The following CNOT1 variants were observed in gnomAD, a reference collection of about 807,000 sequenced individuals.
CNOT1 encodes CCR4-NOT transcription complex subunit 1, also known as CCR4-associated factor 1.
CNOT1 carries 15 observed loss-of-function variants against 273.8 expected under a neutral mutation model. The ratio of observed to expected loss-of-function variants is 0.05; its 90% CI spans 0.04 to 0.08. The LOEUF (loss-of-function observed/expected upper bound fraction) is 0.08, where lower values mean the gene tolerates loss of function less well. CNOT1 is among the 10% of genes least tolerant of loss of function. The pLI, the probability that CNOT1 is intolerant of heterozygous loss-of-function variation, is 1.00. For missense variants in CNOT1, 1,644 were observed against 2,912.2 expected (o/e 0.56, Z 10.02); for synonymous variants, 1,022 against 1,005.5 (o/e 1.02, Z -0.31).
chr16:58,568,019 T>C (rs1267586483), intron 16 of CNOT1, among the ~76,000 whole-genome samples: 1 of 152,188 alleles, frequency 6.6e-6, no homozygotes, highest in Non-Finnish European at 1.5e-5. Flanking sequence ...TTAAACTTAT[T>C]GCCTATCTGA....
intron 1 of CNOT1, among the ~76,000 whole-genome samples, chr16:58,605,366 G>T (rs1356446114): frequency 6.6e-6 from 1 of 152,052 alleles, no homozygotes; most frequent in Non-Finnish European, 1.5e-5. Context: ...GGCCGGGTGT[G>T]GTGGTGCACA....
intron 1 of CNOT1, among the ~76,000 whole-genome samples, chr16:58,629,400 C>G (rs1436523694): frequency 6.6e-6 from 1 of 152,174 alleles, no homozygotes; most frequent in Non-Finnish European, 1.5e-5. Flanking sequence ...CCCAGCGACA[C>G]GAACTGCCGC....
Position 58,575,095 on chromosome 16 carries a change from G to A in CNOT1, c.1739C>T (p.Ala580Val). 6.2e-7 allele frequency: 1 copy of A among 1,614,050 alleles called. No homozygotes were observed. Among genetic ancestry groups the A allele is most frequent in the Non-Finnish European group, 8.5e-7 (1 of 1,180,004 alleles). ...AAGTGCAGCAAGGTCAATAACAAAG[G>A]CAAATGGAGTACCATTTAGCAGCAT... The part of the protein sequence containing the change: ...LSMLLNGTPF[A>V]FVIDLAALAS... Residue 580 changes from alanine (A) to valine (V), a missense_variant, in exon 15 of 49, where the codon GCC becomes GTC. Physicochemically the swap from Ala to Val is moderately conservative, Grantham distance 64. Around this residue, in one of 13 missense-constraint regions of CNOT1, gnomAD observed 706 missense variants for 1,021.2 expected, o/e 0.69. Coordinates refer to ENST00000317147, the MANE Select transcript of CNOT1 (RefSeq NM_016284.5).
intron 40 of CNOT1, 29 bp from the exon 41 acceptor site, chr16:58,532,424 A>C: frequency 6.2e-7 from 1 of 1,603,816 alleles, no homozygotes; most frequent in Non-Finnish European, 8.5e-7. Context: ...AGAGCTTGTA[A>C]ATCATTCAGA....
chr16:58,525,901 T>A, intron 45 of CNOT1, 88 bp downstream of exon 45: 8 of 1,104,154 alleles, frequency 7.2e-6, no homozygotes, highest in Non-Finnish European at 1.1e-5. Context: ...AATAAAAGAC[T>A]AACTCCCAAA....
intron 16 of CNOT1, among the ~76,000 whole-genome samples, chr16:58,568,094 C>G (rs2041119801): frequency 6.6e-6 from 1 of 152,160 alleles, no homozygotes; most frequent in African/African-American, 2.4e-5. Context: ...TAAAGAAGGC[C>G]GGGCACGGTG....
At chr16:58,624,475 A>G (rs1376675004) in intron 1 of CNOT1, among the ~76,000 whole-genome samples, 2 of 152,224 alleles carry the variant, frequency 1.3e-5, no homozygotes, top group Non-Finnish European at 2.9e-5. Flanking sequence ...AATTAAAGAT[A>G]TAAATGCATT....
At chr16:58,579,178 G>C (rs370189274) in intron 12 of CNOT1, among the ~76,000 whole-genome samples, 1 of 152,012 alleles carries the variant, frequency 6.6e-6, no homozygotes, top group African/African-American at 2.4e-5. Context: ...AAAACCATGG[G>C]GATAGAGAAT....
intron 44 of CNOT1, chr16:58,528,187 T>G: frequency 1.9e-6 from 1 of 531,122 alleles, no homozygotes; most frequent in South Asian, 1.7e-5. Context: ...AGCAAATGAC[T>G]GCCCCAACAC....
At chr16:58,552,690 ACAG>A (rs1745990119) in intron 22 of CNOT1, among the ~76,000 whole-genome samples, 1 of 152,222 alleles carries the variant, frequency 6.6e-6, no homozygotes, top group African/African-American at 2.4e-5. Flanking sequence ...AAATTAAAAT[ACAG>A]AATATCAAGT....
In CNOT1 at chr16:58,520,861, G is replaced by T; in HGVS notation, c.*97C>A. On this transcript the variant is annotated 3_prime_UTR_variant, in exon 49 of 49. Transcript: ENST00000317147. ...AGATACCCACAAACCAAAGGGCTGG[G>T]AAAGTCAGGAAGAGCTGAAAGGATT... 1 of 1,286,180 alleles carries T rather than the reference G, an allele frequency of 7.8e-7. No homozygotes were observed. Among genetic ancestry groups the T allele is most frequent in the Non-Finnish European group, 1.1e-6 (1 of 899,262 alleles). 79.7% of individuals were successfully genotyped at this position (1,286,180 alleles called of 1,614,324 possible). A position where few individuals can be genotyped will look rare whatever the true frequency, so the allele number is the denominator to read the frequency against.
intron 30 of CNOT1, among the ~76,000 whole-genome samples, chr16:58,544,106 T>C (rs2040180345): frequency 6.6e-6 from 1 of 152,190 alleles, no homozygotes; most frequent in South Asian, 2.1e-4. Context: ...TGATACACAA[T>C]AATAGATATG....
chr16:58,539,922 T>C lies in CNOT1; in HGVS notation c.4838A>G (p.Asp1613Gly), dbSNP rs1318113450. 4 of 1,613,174 alleles carry C rather than the reference T, an allele frequency of 2.5e-6. No individual in the cohort carries two copies. The highest frequency in any genetic ancestry group is 3.3e-5 in the Admixed American group (2 of 59,848). ...WATDDVAQIY[D>G]KCITELEQHL... is the part of the protein sequence containing the mutation. Reference sequence around the variant, plus strand: ...TTGCTCCAGTTCTGTAATACACTTATCATAAATCTGAGCTACATCATCTGT... The same window carrying C: ...TTGCTCCAGTTCTGTAATACACTTACCATAAATCTGAGCTACATCATCTGT... Residue 1613 changes from aspartate (D) to glycine (G), a missense_variant, in exon 35 of 49, where the codon GAT becomes GGT. This residue lies in a region of CNOT1 where 170 missense variants were observed against 273.1 expected (regional missense o/e 0.62). Transcript: ENST00000317147.
chr16:58,607,739 G>GAAAAA (rs61153626), intron 1 of CNOT1, among the ~76,000 whole-genome samples: 1 of 97,430 alleles, frequency 1.0e-5, no homozygotes, highest in African/African-American at 4.3e-5. Context: ...AAAAAAAAAA[G>GAAAAA]AAAGAAAGAA....
intron 46 of CNOT1, chr16:58,523,990 GTAATCCC>G (rs1272082953): frequency 1.3e-5 from 2 of 153,540 alleles, no homozygotes; most frequent in African/African-American, 4.8e-5. Flanking sequence ...GCTCACGCCT[GTAATCCC>G]AGCACTTTGG....
rs1213747701 is a variant in CNOT1, at chr16:58,599,180, T to C, written c.102+56A>G. The C allele has an allele frequency of 4.3e-6, 7 of 1,610,006 alleles. No individual in the cohort carries two copies. In the African/African-American group the frequency reaches 6.7e-5, roughly 15 times the overall value. On this transcript the variant is annotated intron_variant, in intron 2 of 48. Coordinates refer to ENST00000317147, the MANE Select transcript of CNOT1 (RefSeq NM_016284.5). ...ATGCCCACATAAATGTGTGGTTTTCTTTCCACTGTCTACTCATTCCTTTAA... is the reference window on the plus strand; with the variant it reads ...ATGCCCACATAAATGTGTGGTTTTCCTTCCACTGTCTACTCATTCCTTTAA...
At chr16:58,593,942 A>G (rs780426527) in intron 2 of CNOT1, among the ~76,000 whole-genome samples, 2 of 152,210 alleles carry the variant, frequency 1.3e-5, no homozygotes, top group Non-Finnish European at 2.9e-5. Flanking sequence ...TGAAAACATT[A>G]TATTAAATGA....
chr16:58,528,836 T>C (rs569928062), intron 43 of CNOT1, among the ~76,000 whole-genome samples, 188 bp from the exon 44 acceptor site: 10 of 151,104 alleles, frequency 6.6e-5, no homozygotes, highest in African/African-American at 2.4e-4. Context: ...TTAGGTATCA[T>C]GAAAAACTAG....
intron 1 of CNOT1, among the ~76,000 whole-genome samples, chr16:58,622,425 T>C (rs1031605007): frequency 6.9e-6 from 1 of 144,398 alleles, no homozygotes; most frequent in Non-Finnish European, 1.5e-5. Flanking sequence ...TACTTTCTCA[T>C]CAATTTTACT....
Sources: gnomAD v4.1 joint callset for allele counts (sites outside exome capture counted in the v4.1 genomes callset) on GRCh38, gnomAD v4.1.1 for gene constraint, gnomAD v4.1.1 regional missense constraint, MANE v1.5 for transcripts, NCBI Gene and HGNC (gene_info 2026-07-23, HGNC 2026-07-21) for gene names.